Variants in LRTM1 observed in about 807,000 individuals in gnomAD.
LRTM1 encodes the protein leucine rich repeat transmembrane protein 1, also known as leucine-rich repeat and transmembrane domain-containing protein 1.
A neutral mutation model predicts 32.4 loss-of-function variants in LRTM1; 38 were observed. The ratio of observed to expected loss-of-function variants is 1.17; its 90% CI spans 0.91 to 1.54. LRTM1 has a LOEUF of 1.54. Among genes scored for constraint, LRTM1 ranks in the 40% most tolerant of loss-of-function variants. The probability of loss-of-function intolerance (pLI) is 0.00; values close to 1 mark genes in which losing one functional copy is unlikely to be tolerated. For synonymous variants in LRTM1, 186 were observed against 169.9 expected, an observed-to-expected ratio of 1.09 and a Z score of -0.74; for missense variants, 466 against 415.4, an observed-to-expected ratio of 1.12 and a Z score of -1.06.
At chr3:54,961,201 A>T (rs1414024947) in intron 1 of LRTM1, among the ~76,000 whole-genome samples, 2 of 152,244 alleles carry the variant, frequency 1.3e-5, no homozygotes, top group Non-Finnish European at 2.9e-5. Context: ...GCCATGGTGC[A>T]CAAAGAAATA....
At chr3:54,951,413 C>T (rs1462934409) in intron 1 of LRTM1, among the ~76,000 whole-genome samples, 1 of 152,196 alleles carries the variant, frequency 6.6e-6, no homozygotes, top group Non-Finnish European at 1.5e-5. Context: ...AACAGAGTTC[C>T]AAGCCATCGA....
In LRTM1 at chr3:54,924,954, G is replaced by A. The variant is rs746209929; in HGVS notation, c.269C>T (p.Ala90Val). 6.2e-6 allele frequency: 10 copies of A among 1,611,204 alleles called. No individual in the cohort carries two copies. Among genetic ancestry groups the A allele is most frequent in the Middle Eastern group, 3.3e-4 (2 of 6,076 alleles). ...CTGAAGCCCATGGAAAGCTCCAGGG[G>A]CCAGATTTGAAAGGGAATTGTTGGA... is the stretch of plus-strand genomic sequence containing the variant. ...NLSNNSLSNL[A>V]PGAFHGLQHL... Residue 90 changes from alanine (A) to valine (V), a missense_variant, in exon 2 of 3, where the codon GCC becomes GTC. By Grantham distance (64) the Ala-to-Val change is moderately conservative. Transcript: ENST00000273286.
chr3:54,951,526 T>G (rs1290282264), intron 1 of LRTM1, among the ~76,000 whole-genome samples: 4 of 152,192 alleles, frequency 2.6e-5, no homozygotes, highest in African/African-American at 9.7e-5. Context: ...CTGTGAACTT[T>G]GAAGCATCTC....
chr3:54,928,235 G>A (rs1701084090), upstream of LRTM1, among the ~76,000 whole-genome samples: 2 of 152,168 alleles, frequency 1.3e-5, no homozygotes, highest in Non-Finnish European at 2.9e-5. Context: ...CGTAAAGAAT[G>A]TTTGTCAAAC....
chr3:54,934,625 G>T (rs746272848), intron 1 of LRTM1, among the ~76,000 whole-genome samples: 1 of 152,136 alleles, frequency 6.6e-6, no homozygotes, highest in Non-Finnish European at 1.5e-5. Context: ...CAGCATCCAC[G>T]TGTCCACAGA....
chr3:54,953,494 G>C (rs1288243671), intron 1 of LRTM1, among the ~76,000 whole-genome samples: 1 of 152,150 alleles, frequency 6.6e-6, no homozygotes, highest in Non-Finnish European at 1.5e-5. Flanking sequence ...CTTCGCGCTT[G>C]GTGGTCAGAT....
intron 2 of LRTM1, among the ~76,000 whole-genome samples, chr3:54,921,709 G>A (rs528717902): frequency 1.3e-5 from 2 of 152,248 alleles, no homozygotes; most frequent in South Asian, 2.1e-4. Flanking sequence ...TAGAGGCCAC[G>A]TGATAAACTT....
chr3:54,918,939 A>G (rs1700751469), intron 2 of LRTM1, 47 bp from the exon 3 acceptor site: 2 of 1,443,108 alleles, frequency 1.4e-6, no homozygotes, highest in Non-Finnish European at 1.8e-6. Flanking sequence ...TTGATACAAC[A>G]GAGTTCCAAA....
intron 1 of LRTM1, among the ~76,000 whole-genome samples, chr3:54,943,808 G>A (rs937008075): frequency 6.6e-6 from 1 of 152,064 alleles, no homozygotes; most frequent in African/African-American, 2.4e-5. Flanking sequence ...GGGCATGCAG[G>A]CACCTAAGAC....
intron 1 of LRTM1, among the ~76,000 whole-genome samples, chr3:54,962,998 C>T (rs928540218): frequency 7.2e-5 from 11 of 152,158 alleles, no homozygotes; most frequent in Non-Finnish European, 1.3e-4. Context: ...TTTCAGATTA[C>T]ACTTGAATGC....
intron 2 of LRTM1, among the ~76,000 whole-genome samples, chr3:54,921,556 C>CAGA (rs1392821758): frequency 6.6e-6 from 1 of 152,074 alleles, no homozygotes; most frequent in African/African-American, 2.4e-5. Flanking sequence ...ACTAAATTTT[C>CAGA]CCACTTTTTG....
intron 1 of LRTM1, among the ~76,000 whole-genome samples, chr3:54,934,795 T>C (rs1369336273): frequency 6.6e-6 from 1 of 152,110 alleles, no homozygotes; most frequent in Non-Finnish European, 1.5e-5. Context: ...GCAGTGGCGC[T>C]ATCGTAGCTC....
intron 1 of LRTM1, among the ~76,000 whole-genome samples, chr3:54,934,805 C>T (rs769137136): frequency 2.6e-5 from 4 of 152,152 alleles, no homozygotes; most frequent in Non-Finnish European, 5.9e-5. Context: ...TATCGTAGCT[C>T]ACTGCAACTT....
rs145354589 is a variant in LRTM1, at chr3:54,923,925, C to T, written c.604+694G>A. The stretch of plus-strand genomic sequence containing the variant: ...TTATAGTGCAAAGCAACCACTCACT[C>T]ATTATATAATGAATGGGCATGGCTG... On this transcript the variant is annotated intron_variant, in intron 2 of 2. Transcript: ENST00000273286. 2.2e-3 allele frequency among the ~76,000 whole-genome samples: 329 copies of T among 152,310 alleles called. 1 individual carries two copies. The highest frequency in any genetic ancestry group is 7.4e-3 in the African/African-American group (309 of 41,576).
chr3:54,940,606 C>A (rs778603604), intron 1 of LRTM1, among the ~76,000 whole-genome samples: 2 of 152,126 alleles, frequency 1.3e-5, no homozygotes, highest in Non-Finnish European at 2.9e-5. Flanking sequence ...CAGGCTACTC[C>A]CAAACTGTCA....
intron 2 of LRTM1, among the ~76,000 whole-genome samples, chr3:54,921,270 C>G (rs1364688939): frequency 6.6e-6 from 1 of 152,136 alleles, no homozygotes; most frequent in African/African-American, 2.4e-5. Flanking sequence ...ACTCCCTTGA[C>G]CACGTTGTGC....
chr3:54,933,607 G>C (rs1336986246), intron 1 of LRTM1, among the ~76,000 whole-genome samples: 1 of 152,162 alleles, frequency 6.6e-6, no homozygotes, highest in Non-Finnish European at 1.5e-5. Flanking sequence ...AGCAGTTTCT[G>C]CCTCCACATT....
intron 1 of LRTM1, among the ~76,000 whole-genome samples, chr3:54,965,896 A>T (rs575775381): frequency 6.6e-6 from 1 of 152,300 alleles, no homozygotes; most frequent in East Asian, 1.9e-4. Flanking sequence ...TCAGGGCATC[A>T]GGACCAGGAC....
chr3:54,945,468 A>T (rs1162905556), intron 1 of LRTM1, among the ~76,000 whole-genome samples: 1 of 152,192 alleles, frequency 6.6e-6, no homozygotes, highest in Non-Finnish European at 1.5e-5. Context: ...GGAGCCAATG[A>T]GTGTCTCCAG....
Sources: allele counts gnomAD v4.1 joint callset (sites outside exome capture counted in the v4.1 genomes callset), GRCh38; gene constraint gnomAD v4.1.1; transcripts MANE v1.5; gene names NCBI Gene and HGNC (gene_info 2026-07-23, HGNC 2026-07-21).